ISLR2: variants seen among roughly 807,000 people sequenced by gnomAD.
The protein encoded by ISLR2 is immunoglobulin superfamily containing leucine-rich repeat protein 2.
In ISLR2, 16 loss-of-function variants were observed where a neutral mutation model predicts 25.5. That is an observed-to-expected ratio of 0.63 (90% confidence interval 0.43 to 0.95). The LOEUF (loss-of-function observed/expected upper bound fraction) is 0.95. Among genes scored for constraint, ISLR2 ranks in the 40% least tolerant of loss-of-function variants. ISLR2 has a pLI of 0.00. For synonymous variants in ISLR2, 508 were observed against 486.6 expected, an observed-to-expected ratio of 1.04 and a Z score of -0.58; for missense variants, 883 against 1,030.7, an observed-to-expected ratio of 0.86 and a Z score of 1.96.
At chr15:74,118,218 G>A (rs1410601425) in intron 2 of ISLR2, among the ~76,000 whole-genome samples, 1 of 152,116 alleles carries the variant, frequency 6.6e-6, no homozygotes, top group Admixed American at 6.6e-5. Context: ...GATGCCCCCC[G>A]AGCCGTAAAA....
rs575112021 is a variant in ISLR2 at position 74,108,314 on chromosome 15, A to G, written n.228+4400A>G. Among the ~76,000 whole-genome samples the G allele has an allele frequency of 2.4e-4, 37 of 152,240 alleles. 1 individual carries two copies. The South Asian group carries it at 7.7e-3, about 32-fold the overall frequency. On this transcript the variant is annotated intron_variant and non_coding_transcript_variant, in intron 2 of 3. Coordinates refer to the ISLR2 transcript ENST00000561975. ...AGCTTTTCCCCAAGGGGCTGGAGGC[A>G]CAGCTCCTTGGACTGGACCAGGTGG...
At position 74,134,659 on chromosome 15, in the gene ISLR2, C is replaced by T. The variant is rs768598131; in HGVS notation, c.1905C>T (p.Asp635=). 3 of 1,614,150 alleles carry T rather than the reference C, an allele frequency of 1.9e-6. No individual in the cohort carries two copies. The highest frequency in any genetic ancestry group is 2.5e-6 in the Non-Finnish European group (3 of 1,180,028). The change falls in exon 3 of 3, where the codon GAC becomes GAT. Residue 635 remains aspartate (D), a synonymous_variant. Coordinates refer to ENST00000453268, the MANE Select transcript of ISLR2 (RefSeq NM_020851.3). ...TGATCCTGCGGCCTCAGGCCCCTGACCCTATGGAGAAGCGCATCGCCGCAG... is the reference window on the plus strand; with the variant it reads ...TGATCCTGCGGCCTCAGGCCCCTGATCCTATGGAGAAGCGCATCGCCGCAG... The part of the protein sequence containing the change: ...YRLILRPQAP[D]PMEKRIAADF...
chr15:74,136,523 TCCTGTG>T lies in ISLR2; in HGVS notation c.*1532_*1537del, dbSNP rs2072568395. The stretch of plus-strand genomic sequence containing the variant: ...GTGCCCTGTAGGAGAAAAGTCTGTG[TCCTGTG>T]AAGTGTGACCGTGTAGTGTAGGGGG... On this transcript the variant is annotated 3_prime_UTR_variant, in exon 3 of 3. Transcript: ENST00000453268. The T allele has an allele frequency of 6.7e-6, 1 of 149,914 alleles. No individual in the cohort carries two copies. Among genetic ancestry groups the T allele is most frequent in the African/African-American group, 2.7e-5 (1 of 37,618 alleles). 9.3% of individuals were successfully genotyped at this position (149,914 alleles called of 1,614,324 possible). A position where few individuals can be genotyped will look rare whatever the true frequency, so the allele number is the denominator to read the frequency against.
chr15:74,113,423 T>G (rs2072185945), intron 2 of ISLR2, among the ~76,000 whole-genome samples: 2 of 152,216 alleles, frequency 1.3e-5, no homozygotes, highest in African/African-American at 4.8e-5. Flanking sequence ...AGTGCTAGGA[T>G]TACAGGCATG....
In ISLR2 at chr15:74,135,244, C is replaced by G. The variant is rs1312321238; in HGVS notation, c.*252C>G. ...CCGCCAAGCACAGTGTTTATCTTAC[C>G]CCATGCAAGACTCCACCCGCAGACG... On this transcript the variant is annotated 3_prime_UTR_variant, in exon 3 of 3. Transcript: ENST00000453268. The G allele has an allele frequency of 1.9e-6, 1 of 531,888 alleles. No individual in the cohort carries two copies. The highest frequency in any genetic ancestry group is 1.9e-5 in the African/African-American group (1 of 52,698). The allele number at this position is 531,888 out of a possible 1,614,324, so 32.9% of individuals were successfully genotyped here. A position where few individuals can be genotyped will look rare whatever the true frequency, so the allele number is the denominator to read the frequency against.
At chr15:74,136,843 G>T, downstream of ISLR2, 1 of 167,134 alleles carries the variant, frequency 6.0e-6, no homozygotes. Context: ...GAGGGAGGAG[G>T]CCTGGGCGAT....
chr15:74,103,421 G>A (rs1164123452), intron 1 of ISLR2, among the ~76,000 whole-genome samples: 1 of 148,094 alleles, frequency 6.8e-6, no homozygotes, highest in Non-Finnish European at 1.5e-5. Context: ...TAGCCAACAT[G>A]TCGAACCCCA....
upstream of ISLR2, chr15:74,129,088 C>CCATGGGTCGG (rs1180099693): frequency 4.4e-6 from 2 of 456,376 alleles, no homozygotes; most frequent in Admixed American, 4.7e-5. The surrounding 1 kb of genome is among the most constrained non-coding windows in gnomAD (Gnocchi z 4.5). Flanking sequence ...TGCGCCCTCC[C>CCATGGGTCGG]CATGGGTCGG....
At chr15:74,119,194 A>G (rs1170968851) in intron 2 of ISLR2, among the ~76,000 whole-genome samples, 5 of 146,922 alleles carry the variant, frequency 3.4e-5, no homozygotes, top group Admixed American at 6.8e-5. Flanking sequence ...CACTAGAACT[A>G]TTCCTTCTAT....
rs1241740119 is a variant in ISLR2 at position 74,133,345 on chromosome 15, G to A, written c.591G>A (p.Ala197=). 5.0e-6 allele frequency: 8 copies of A among 1,608,512 alleles called. No individual in the cohort carries two copies. The East Asian group carries it at 1.3e-4, about 27-fold the overall frequency. Reference sequence around the variant, plus strand: ...TTGTGTGGCTGCAGGCCTGGGCCGCGAGCACCCGGGTGTCCTTACCCGAGC... The same window carrying A: ...TTGTGTGGCTGCAGGCCTGGGCCGCAAGCACCCGGGTGTCCTTACCCGAGC... ...CGLVWLQAWA[A]STRVSLPEPD... Residue 197 remains alanine, a synonymous_variant, in exon 3 of 3, where the codon GCG becomes GCA. Coordinates refer to ENST00000453268, the MANE Select transcript of ISLR2 (RefSeq NM_020851.3).
chr15:74,123,153 A>T (rs1355591217), upstream of ISLR2, among the ~76,000 whole-genome samples: 1 of 151,464 alleles, frequency 6.6e-6, no homozygotes, highest in East Asian at 1.9e-4. Context: ...AAGCAGGAAG[A>T]CTCCCTCTGC....
chr15:74,121,866 G>C (rs2072254525), intron 2 of ISLR2, among the ~76,000 whole-genome samples: 1 of 152,164 alleles, frequency 6.6e-6, no homozygotes, highest in Non-Finnish European at 1.5e-5. Flanking sequence ...CCTCTCTATG[G>C]GGCCTGATTT....
At chr15:74,121,179 A>T (rs549772870) in intron 2 of ISLR2, among the ~76,000 whole-genome samples, 2 of 152,006 alleles carry the variant, frequency 1.3e-5, no homozygotes, top group South Asian at 2.1e-4. Flanking sequence ...GGCTGGAGGG[A>T]TTTATAGCAA....
At chr15:74,114,938 T>C (rs1306959540) in intron 2 of ISLR2, among the ~76,000 whole-genome samples, 1 of 151,878 alleles carries the variant, frequency 6.6e-6, no homozygotes, top group Admixed American at 6.6e-5. Flanking sequence ...CTGGTAGAAT[T>C]TGTGAGGTAG....
At chr15:74,112,948 C>T (rs2072180968) in intron 2 of ISLR2, among the ~76,000 whole-genome samples, 2 of 152,238 alleles carry the variant, frequency 1.3e-5, no homozygotes, top group Middle Eastern at 3.4e-3. Context: ...CCACCTCAGC[C>T]TTCCAAGTAG....
intron 2 of ISLR2, among the ~76,000 whole-genome samples, chr15:74,107,341 C>G (rs1274830549): frequency 6.6e-6 from 1 of 152,204 alleles, no homozygotes; most frequent in African/African-American, 2.4e-5. Context: ...AGAGAGTCCC[C>G]TCAGTCATGG....
chr15:74,137,677 G>C (rs1050435217), downstream of ISLR2, among the ~76,000 whole-genome samples: 39 of 152,328 alleles, frequency 2.6e-4, no homozygotes, highest in South Asian at 2.3e-3. Flanking sequence ...GGGGAAGAGA[G>C]ATGGAAGAGG....
upstream of ISLR2, chr15:74,128,605 A>G (rs1040571520): frequency 1.5e-5 from 7 of 456,496 alleles, no homozygotes; most frequent in Non-Finnish European, 3.1e-5. Flanking sequence ...TCTCCCTTCC[A>G]TTACCCAGAT....
At chr15:74,107,623 C>T (rs1056556768) in intron 2 of ISLR2, among the ~76,000 whole-genome samples, 1 of 152,224 alleles carries the variant, frequency 6.6e-6, no homozygotes, top group African/African-American at 2.4e-5. Flanking sequence ...CTGGCTCCCA[C>T]AGAGGGAGCC....
Sources: gnomAD v4.1 joint callset for allele counts (sites outside exome capture counted in the v4.1 genomes callset) on GRCh38, gnomAD v4.1.1 for gene constraint, Gnocchi (gnomAD v3.1) non-coding constraint, MANE v1.5 for transcripts, NCBI Gene and HGNC (gene_info 2026-07-23, HGNC 2026-07-21) for gene names.